The following PHACTR1 variants were observed in gnomAD, a reference collection of about 807,000 sequenced individuals.
PHACTR1 encodes the protein RPEL repeat containing 1.
A neutral mutation model predicts 69.2 loss-of-function variants in PHACTR1; 16 were observed. The observed-to-expected ratio is 0.23, with a 90% CI of 0.16 to 0.35. PHACTR1 has a LOEUF of 0.35. Among genes scored for constraint, PHACTR1 ranks in the 10% least tolerant of loss-of-function variants. The pLI is 1.00. For missense variants in PHACTR1, 510 were observed against 734.7 expected, an observed-to-expected ratio of 0.69 and a Z score of 3.54; for synonymous variants, 312 against 284.5, an observed-to-expected ratio of 1.10 and a Z score of -0.97.
rs574853646 is a variant in PHACTR1 at position 13,155,021 on chromosome 6, C to T, written c.416-5183C>T. Reference sequence around the variant, plus strand: ...AGGTCCAATGGTTGTCCCTTTGCACCAGTCAACCCACAGTATTTTACTTCC... The same window carrying T: ...AGGTCCAATGGTTGTCCCTTTGCACTAGTCAACCCACAGTATTTTACTTCC... On this transcript the variant is annotated intron_variant, in intron 5 of 14. Coordinates refer to ENST00000332995, the MANE Select transcript of PHACTR1 (RefSeq NM_030948.6). Among the ~76,000 whole-genome samples, 3 of 152,180 alleles carry T rather than the reference C, an allele frequency of 2.0e-5. No homozygotes were observed. In the South Asian group the frequency reaches 6.2e-4, roughly 32 times the overall value.
chr6:12,721,859 G>A (rs1428160847), intron 3 of PHACTR1, among the ~76,000 whole-genome samples: 1 of 152,200 alleles, frequency 6.6e-6, no homozygotes, highest in Non-Finnish European at 1.5e-5. Context: ...TACCATGGCC[G>A]GCACCCTTCC....
intron 5 of PHACTR1, among the ~76,000 whole-genome samples, chr6:13,112,066 C>T (rs1440773957): frequency 1.3e-5 from 2 of 152,050 alleles, no homozygotes; most frequent in Non-Finnish European, 2.9e-5. Flanking sequence ...GGGTGTTGCT[C>T]CCCTCTGTGT....
intron 5 of PHACTR1, among the ~76,000 whole-genome samples, chr6:13,125,366 A>ATTTT (rs550183364): frequency 3.5e-4 from 51 of 146,584 alleles, no homozygotes; most frequent in African/African-American, 1.2e-3. Context: ...ATTGCACTGG[A>ATTTT]TTTTTTTTTT....
intron 5 of PHACTR1, among the ~76,000 whole-genome samples, chr6:13,084,514 A>C (rs940760208): frequency 6.6e-6 from 1 of 152,120 alleles, no homozygotes; most frequent in East Asian, 1.9e-4. Flanking sequence ...CCTAAAACTT[A>C]AAGTATAATT....
In PHACTR1 at chr6:13,003,965, G is replaced by GTATATATA. The variant is rs772804033; in HGVS notation, c.251-49393_251-49386dup. ...CAGTAGTATTCCTATATATATATAT[G>GTATATATA]TATATATATATATACACATATATAT... On this transcript the variant is annotated intron_variant, in intron 4 of 14. Transcript: ENST00000332995. Among the ~76,000 whole-genome samples, 155 of 96,096 alleles carry GTATATATA rather than the reference G, an allele frequency of 1.6e-3. 3 individuals are homozygous for GTATATATA. The highest frequency in any genetic ancestry group is 8.7e-3 in the African/African-American group (147 of 16,820). The allele number at this position is 96,096 out of a possible 152,430, so 63.0% of individuals were successfully genotyped here. A position where few individuals can be genotyped will look rare whatever the true frequency, so the allele number is the denominator to read the frequency against.
intron 5 of PHACTR1, among the ~76,000 whole-genome samples, chr6:13,074,466 T>G (rs1197166897): frequency 6.6e-6 from 1 of 152,074 alleles, no homozygotes; most frequent in Non-Finnish European, 1.5e-5. Flanking sequence ...GTGGCAAAAA[T>G]AATCAAAATT....
chr6:12,838,734 C>A (rs375550410), intron 4 of PHACTR1, among the ~76,000 whole-genome samples: 1 of 152,066 alleles, frequency 6.6e-6, no homozygotes, highest in Admixed American at 6.5e-5. Context: ...CATTCAATAG[C>A]CTCAAAATGG....
At chr6:12,879,828 T>A (rs1782906598) in intron 4 of PHACTR1, among the ~76,000 whole-genome samples, 2 of 152,196 alleles carry the variant, frequency 1.3e-5, no homozygotes, top group African/African-American at 2.4e-5. Context: ...ACCCCACCTC[T>A]TCCACAAACA....
At chr6:12,736,980 C>G (rs963393552) in intron 3 of PHACTR1, among the ~76,000 whole-genome samples, 1 of 151,730 alleles carries the variant, frequency 6.6e-6, no homozygotes, top group Non-Finnish European at 1.5e-5. Flanking sequence ...ATTTTTACAC[C>G]GTGTGTGTAT....
At chr6:12,733,746 C>T (rs1034492937) in intron 3 of PHACTR1, among the ~76,000 whole-genome samples, 1 of 152,228 alleles carries the variant, frequency 6.6e-6, no homozygotes, top group Admixed American at 6.5e-5. Flanking sequence ...AAAGATATGT[C>T]CAAGTATATA....
At chr6:13,164,138 G>A (rs1262154588) in intron 6 of PHACTR1, among the ~76,000 whole-genome samples, 5 of 149,772 alleles carry the variant, frequency 3.3e-5, no homozygotes, top group East Asian at 2.0e-4. Context: ...ATCCGAATTC[G>A]GTTCCACCTG....
intron 4 of PHACTR1, among the ~76,000 whole-genome samples, chr6:13,032,694 G>C (rs542224199): frequency 6.6e-6 from 1 of 151,772 alleles, no homozygotes; most frequent in South Asian, 2.1e-4. Context: ...ATAGCTCACT[G>C]CAGCCTTGAA....
chr6:13,027,113 G>C (rs1056144861), intron 4 of PHACTR1, among the ~76,000 whole-genome samples: 2 of 152,020 alleles, frequency 1.3e-5, no homozygotes, highest in African/African-American at 4.8e-5. Context: ...GATTAGAGAG[G>C]ATTAGGGACT....
intron 4 of PHACTR1, among the ~76,000 whole-genome samples, chr6:12,918,546 A>T (rs1272874038): frequency 6.6e-6 from 1 of 152,234 alleles, no homozygotes; most frequent in East Asian, 1.9e-4. Context: ...GAGAGATGCC[A>T]TCGTTATCAT....
chr6:13,250,507 T>C (rs535245356), intron 10 of PHACTR1, among the ~76,000 whole-genome samples: 5 of 152,336 alleles, frequency 3.3e-5, no homozygotes, highest in Non-Finnish European at 5.9e-5. Context: ...CCAGGTATCA[T>C]TGAAAGCAGC....
chr6:13,286,016 A>G (rs1467733634), intron 13 of PHACTR1, 130 bp from the exon 14 acceptor site: 1 of 716,848 alleles, frequency 1.4e-6, no homozygotes, highest in Non-Finnish European at 2.2e-6. Flanking sequence ...CTTCCTCCCA[A>G]TGAAAGAATC....
At chr6:13,164,335 C>T (rs1210283787) in intron 6 of PHACTR1, among the ~76,000 whole-genome samples, 1 of 152,170 alleles carries the variant, frequency 6.6e-6, no homozygotes, top group African/African-American at 2.4e-5. Flanking sequence ...AAGGATAAAT[C>T]TCATAGATTC....
intron 4 of PHACTR1, among the ~76,000 whole-genome samples, chr6:12,826,905 T>C (rs900664710): frequency 6.6e-6 from 1 of 152,218 alleles, no homozygotes; most frequent in African/African-American, 2.4e-5. Context: ...ACGAGTTCCA[T>C]TGGACTAATT....
chr6:13,009,123 G>A (rs542937735), intron 4 of PHACTR1, among the ~76,000 whole-genome samples: 20 of 152,234 alleles, frequency 1.3e-4, no homozygotes, highest in African/African-American at 2.4e-4. Flanking sequence ...TCTCCTCTGT[G>A]TGCCTTTTAT....
Sources: gnomAD v4.1 joint callset for allele counts (sites outside exome capture counted in the v4.1 genomes callset) on GRCh38, gnomAD v4.1.1 for gene constraint, MANE v1.5 for transcripts, NCBI Gene and HGNC (gene_info 2026-07-23, HGNC 2026-07-21) for gene names.